SLC39A14: variants seen among roughly 807,000 people sequenced by gnomAD.
The protein encoded by SLC39A14 is metal cation symporter ZIP14.
A neutral mutation model predicts 45.5 loss-of-function variants in SLC39A14; 19 were observed. The observed-to-expected ratio is 0.42, with a 90% CI of 0.29 to 0.61. The LOEUF (loss-of-function observed/expected upper bound fraction) is 0.61, where lower values mean the gene tolerates loss of function less well. SLC39A14 is among the 20% of genes least tolerant of loss of function. SLC39A14 has a pLI of 0.22. For synonymous variants in SLC39A14, 264 were observed against 251.3 expected (o/e 1.05, Z -0.48); for missense variants, 447 against 616.5 (o/e 0.73, Z 2.91).
downstream of SLC39A14, chr8:22,422,820 G>GTTT (rs1390852311): frequency 2.1e-5 from 11 of 533,544 alleles, no homozygotes; most frequent in South Asian, 7.0e-4. Context: ...ATTTTAGAAG[G>GTTT]TTTTTTTTGT....
chr8:22,383,008 G>C (rs118143604), intron 1 of SLC39A14, among the ~76,000 whole-genome samples: 3 of 151,958 alleles, frequency 2.0e-5, no homozygotes, highest in Non-Finnish European at 4.4e-5. Context: ...GTGAGTCACC[G>C]CGGCCGGTGG....
At chr8:22,373,412 T>C (rs1486978494) in intron 1 of SLC39A14, among the ~76,000 whole-genome samples, 1 of 152,166 alleles carries the variant, frequency 6.6e-6, no homozygotes, top group African/African-American at 2.4e-5. Flanking sequence ...ATAATAGGTG[T>C]AACTTAAATT....
In SLC39A14 at chr8:22,407,747, C is replaced by T. The variant is rs548812325; in HGVS notation, c.271-563C>T. The stretch of plus-strand genomic sequence containing the variant: ...TAAGAGACAGGGTGTTGCTCTGTCA[C>T]CCAGGCTGGAGTGCAGTGGTGTGAT... On this transcript the variant is annotated intron_variant, in intron 2 of 8. Coordinates refer to ENST00000381237, the MANE Select transcript of SLC39A14 (RefSeq NM_001128431.4). 3.3e-5 allele frequency among the ~76,000 whole-genome samples: 5 copies of T among 151,448 alleles called. No homozygotes were observed. In the South Asian group the frequency reaches 1.0e-3, roughly 32 times the overall value.
chr8:22,368,942 G>C (rs538711361), intron 1 of SLC39A14, among the ~76,000 whole-genome samples: 2 of 152,286 alleles, frequency 1.3e-5, no homozygotes, highest in South Asian at 4.1e-4. Flanking sequence ...GCGAAGTCCA[G>C]ACCCCAGAGC....
downstream of SLC39A14, among the ~76,000 whole-genome samples, chr8:22,427,726 G>A (rs1221023811): frequency 6.6e-6 from 1 of 152,206 alleles, no homozygotes; most frequent in Non-Finnish European, 1.5e-5. Flanking sequence ...AATATTGTAG[G>A]ATTCTTTCCC....
intron 1 of SLC39A14, among the ~76,000 whole-genome samples, chr8:22,375,283 T>A (rs1314219874): frequency 6.8e-6 from 1 of 147,680 alleles, no homozygotes; most frequent in Non-Finnish European, 1.5e-5. Context: ...TCCTTCTGAT[T>A]ATTAAAAGTA....
At chr8:22,406,809 G>T (rs1400227393) in intron 2 of SLC39A14, among the ~76,000 whole-genome samples, 9 of 152,202 alleles carry the variant, frequency 5.9e-5, no homozygotes, top group African/African-American at 2.2e-4. Flanking sequence ...GGGTAATGCA[G>T]CTGCGTGAGC....
Position 22,420,149 on chromosome 8 carries a change from G to C in SLC39A14, c.*451G>C. On this transcript the variant is annotated 3_prime_UTR_variant, in exon 9 of 9. Coordinates refer to ENST00000381237, the MANE Select transcript of SLC39A14 (RefSeq NM_001128431.4). ...TCTAGCTGGGCACCTTGGACCTCCA[G>C]CTGGCCAATAGAAGAGACAGGAGAC... 3.0e-6 allele frequency: 3 copies of C among 986,498 alleles called. No homozygotes were observed. Among genetic ancestry groups the C allele is most frequent in the Non-Finnish European group, 3.6e-6 (3 of 830,748 alleles). 61.1% of individuals were successfully genotyped at this position (986,498 alleles called of 1,614,324 possible).
intron 3 of SLC39A14, among the ~76,000 whole-genome samples, chr8:22,409,617 G>A (rs2132331962): frequency 6.6e-6 from 1 of 152,088 alleles, no homozygotes; most frequent in African/African-American, 2.4e-5. Context: ...CCTGACCTCA[G>A]GTGATCCACC....
chr8:22,383,019 C>T (rs751857942), intron 1 of SLC39A14, among the ~76,000 whole-genome samples: 12 of 151,922 alleles, frequency 7.9e-5, no homozygotes, highest in Non-Finnish European at 1.5e-4. Flanking sequence ...CGGCCGGTGG[C>T]GGTGTTTTTC....
intron 2 of SLC39A14, among the ~76,000 whole-genome samples, chr8:22,406,355 G>A (rs896681082): frequency 6.7e-6 from 1 of 149,500 alleles, no homozygotes; most frequent in African/African-American, 2.5e-5. Flanking sequence ...AGGCTGAGGT[G>A]AGAGAATCAC....
chr8:22,416,667 C>T (rs1486674614), intron 7 of SLC39A14, among the ~76,000 whole-genome samples: 1 of 151,562 alleles, frequency 6.6e-6, no homozygotes, highest in Non-Finnish European at 1.5e-5. Flanking sequence ...GAACTCCTTA[C>T]CTCGTGATCC....
chr8:22,423,473 C>T (rs1836322869), downstream of SLC39A14, among the ~76,000 whole-genome samples: 1 of 151,550 alleles, frequency 6.6e-6, no homozygotes, highest in Non-Finnish European at 1.5e-5. Flanking sequence ...GTAGCTGGGA[C>T]TACAGGTGCC....
chr8:22,413,105 G>A (rs975112510), intron 4 of SLC39A14, among the ~76,000 whole-genome samples: 11 of 152,214 alleles, frequency 7.2e-5, no homozygotes, highest in Middle Eastern at 3.2e-3. Flanking sequence ...TGCCACAAAA[G>A]AAGGAGCTGA....
chr8:22,433,881 G>GT, intron 8 of SLC39A14: 5 of 333,558 alleles, frequency 1.5e-5, no homozygotes, highest in East Asian at 1.2e-4. Context: ...TTTTGTTTTT[G>GT]TTTTTTTAGA....
intron 3 of SLC39A14, chr8:22,411,780 T>C: frequency 2.3e-6 from 1 of 436,576 alleles, no homozygotes; most frequent in East Asian, 4.2e-5. Context: ...AAGGCCACCT[T>C]GAATTCCTCT....
chr8:22,432,269 G>T (rs1328372638), intron 8 of SLC39A14, among the ~76,000 whole-genome samples: 2 of 152,104 alleles, frequency 1.3e-5, no homozygotes, highest in African/African-American at 4.8e-5. Flanking sequence ...GGAGATAGAG[G>T]CTGCAGTGAG....
In SLC39A14 at chr8:22,422,449, A is replaced by G. The variant is rs1287882512; in HGVS notation, c.*2751A>G. The stretch of plus-strand genomic sequence containing the variant: ...GCTGAGTATAGTAAGTCCTCTTCCA[A>G]AGAGATGGCAATATGCTGGGCATCT... On this transcript the variant is annotated 3_prime_UTR_variant, in exon 9 of 9. Coordinates refer to ENST00000381237, the MANE Select transcript of SLC39A14 (RefSeq NM_001128431.4). 1.4e-5 allele frequency: 14 copies of G among 985,784 alleles called. No homozygotes were observed. The highest frequency in any genetic ancestry group is 1.2e-6 in the Non-Finnish European group (1 of 829,954). The allele number at this position is 985,784 out of a possible 1,614,324, so 61.1% of individuals were successfully genotyped here.
chr8:22,400,278 C>G (rs2132287637), intron 1 of SLC39A14, among the ~76,000 whole-genome samples: 1 of 152,344 alleles, frequency 6.6e-6, no homozygotes, highest in Middle Eastern at 3.4e-3. Context: ...AATCGCTGAA[C>G]CCCAGTGTCC....
Sources: allele counts gnomAD v4.1 joint callset (sites outside exome capture counted in the v4.1 genomes callset), GRCh38; gene constraint gnomAD v4.1.1; transcripts MANE v1.5; gene names NCBI Gene and HGNC (gene_info 2026-07-23, HGNC 2026-07-21).